MYO9A: variants seen among roughly 807,000 people sequenced by gnomAD.
MYO9A encodes the protein unconventional myosin-IXa.
In MYO9A, 103 loss-of-function variants were observed where a neutral mutation model predicts 293.3. The ratio of observed to expected loss-of-function variants is 0.35; its 90% CI spans 0.30 to 0.41. The LOEUF (loss-of-function observed/expected upper bound fraction) is 0.41, where lower values mean the gene tolerates loss of function less well. Among genes scored for constraint, MYO9A ranks in the 10% least tolerant of loss-of-function variants. MYO9A has a pLI of 1.00. For synonymous variants in MYO9A, 1,001 were observed against 1,035.7 expected (o/e 0.97, Z 0.64); for missense variants, 2,685 against 3,033.0 (o/e 0.89, Z 2.69).
chr15:71,952,039 GTGA>G, intron 14 of MYO9A, 143 bp from the exon 15 acceptor site: 1 of 820,506 alleles, frequency 1.2e-6, no homozygotes. Context: ...GAGGTTATAT[GTGA>G]ATGTCCAATT....
chr15:72,039,764 G>T (rs1331707714), intron 2 of MYO9A, among the ~76,000 whole-genome samples: 1 of 152,174 alleles, frequency 6.6e-6, no homozygotes, highest in Non-Finnish European at 1.5e-5. Flanking sequence ...GGCAAGTGGA[G>T]GTTGCAGTGA....
chr15:72,108,592 G>GA (rs1051976403), intron 1 of MYO9A, among the ~76,000 whole-genome samples: 5 of 152,014 alleles, frequency 3.3e-5, no homozygotes, highest in East Asian at 1.9e-4. Flanking sequence ...GTTCTCTTTT[G>GA]AAAAAAACAT....
intron 2 of MYO9A, among the ~76,000 whole-genome samples, chr15:72,035,581 C>T (rs980178064): frequency 1.5e-4 from 23 of 152,136 alleles, no homozygotes; most frequent in Admixed American, 1.3e-3. Flanking sequence ...GGGGACAGAA[C>T]TGCTTGAAGC....
chr15:72,043,741 G>A (rs1184157163), intron 2 of MYO9A, among the ~76,000 whole-genome samples: 1 of 152,070 alleles, frequency 6.6e-6, no homozygotes, highest in Non-Finnish European at 1.5e-5. Flanking sequence ...GAAACTCTGG[G>A]GATAATGGAT....
intron 26 of MYO9A, chr15:71,893,099 C>A (rs1360773321): frequency 7.8e-7 from 1 of 1,290,102 alleles, no homozygotes; most frequent in East Asian, 5.5e-5. Flanking sequence ...CCCTCCCCAT[C>A]GGCAAAAGTA....
At chr15:72,078,171 T>G (rs1182961233) in intron 1 of MYO9A, among the ~76,000 whole-genome samples, 1 of 152,170 alleles carries the variant, frequency 6.6e-6, no homozygotes, top group Admixed American at 6.6e-5. Context: ...CCATGCTCAC[T>G]GGTATTTACC....
intron 18 of MYO9A, among the ~76,000 whole-genome samples, chr15:71,917,547 A>G (rs2058044953): frequency 2.6e-5 from 4 of 152,174 alleles, no homozygotes. Context: ...ACAAAAAACA[A>G]AAAAACCAAA....
At chr15:71,999,757 G>T in intron 9 of MYO9A, 94 bp downstream of exon 9, 4 of 889,542 alleles carry the variant, frequency 4.5e-6, no homozygotes, top group Admixed American at 2.7e-5. Context: ...TTTTGCCATT[G>T]TCATTTTCAT....
At chr15:72,066,175 T>C (rs571047558) in intron 1 of MYO9A, among the ~76,000 whole-genome samples, 1 of 152,216 alleles carries the variant, frequency 6.6e-6, no homozygotes, top group East Asian at 1.9e-4. Context: ...ACTGGAGATT[T>C]TCAGGTTAAG....
At chr15:71,977,891 G>A (rs1291568844) in intron 12 of MYO9A, among the ~76,000 whole-genome samples, 2 of 152,078 alleles carry the variant, frequency 1.3e-5, no homozygotes, top group Non-Finnish European at 2.9e-5. Flanking sequence ...CAAAAAATTA[G>A]CCAGGCATGG....
chr15:72,078,473 C>A (rs544414857), intron 1 of MYO9A, among the ~76,000 whole-genome samples: 3 of 152,108 alleles, frequency 2.0e-5, no homozygotes, highest in African/African-American at 7.2e-5. Context: ...GCCTGTGGGA[C>A]CCTGTCTCAA....
At chr15:71,982,401 G>T (rs1175071611) in intron 11 of MYO9A, among the ~76,000 whole-genome samples, 3 of 151,506 alleles carry the variant, frequency 2.0e-5, no homozygotes, top group Non-Finnish European at 4.4e-5. Flanking sequence ...TTTTATTATG[G>T]TATTAAAATC....
rs892106053 is a variant in MYO9A at position 71,851,824 on chromosome 15, G to C, written c.6475+308C>G. ...AGATTTCCAATTTAAATGAACATAA[G>C]CCTAATCTTAAAACTTATTTTTAAT... On this transcript the variant is annotated intron_variant, in intron 36 of 41. Transcript: ENST00000356056. Among the ~76,000 whole-genome samples, 4 of 152,098 alleles carry C rather than the reference G, an allele frequency of 2.6e-5. No homozygotes were observed. The East Asian group carries it at 5.8e-4, about 22-fold the overall frequency.
At chr15:72,004,506 A>G (rs912744704) in intron 8 of MYO9A, among the ~76,000 whole-genome samples, 3 of 152,132 alleles carry the variant, frequency 2.0e-5, no homozygotes, top group Non-Finnish European at 4.4e-5. Context: ...GCAGTGAGCC[A>G]AGATTGCACC....
Position 71,966,375 on chromosome 15 carries a change from A to C in MYO9A, c.1986+1609T>G, listed in dbSNP as rs140834302. On this transcript the variant is annotated intron_variant, in intron 13 of 41. Coordinates refer to ENST00000356056, the MANE Select transcript of MYO9A (RefSeq NM_006901.4). ...AATGATAAAAATTAGGGCAGTGGTA[A>C]TCTCTGAGGGGAGCTGGCTGGGAAG... Among the ~76,000 whole-genome samples, 49 of 151,764 alleles carry C rather than the reference A, an allele frequency of 3.2e-4. No individual in the cohort carries two copies. In the East Asian group the frequency reaches 9.5e-3, roughly 29 times the overall value.
chr15:71,845,157 A>G (rs2055328176), intron 39 of MYO9A, among the ~76,000 whole-genome samples: 2 of 152,152 alleles, frequency 1.3e-5, no homozygotes, highest in South Asian at 4.1e-4. Flanking sequence ...CCTGATAAGG[A>G]GAGATCCTTT....
chr15:72,084,643 T>C (rs1343380669), intron 1 of MYO9A, among the ~76,000 whole-genome samples: 1 of 152,246 alleles, frequency 6.6e-6, no homozygotes, highest in Non-Finnish European at 1.5e-5. Context: ...CAGGAGCTCT[T>C]GTAAGACACG....
Position 72,101,870 on chromosome 15 carries a change from G to A in MYO9A, c.-72+15810C>T, listed in dbSNP as rs1368667632. Among the ~76,000 whole-genome samples, 19 of 151,730 alleles carry A rather than the reference G, an allele frequency of 1.3e-4. No homozygotes were observed. The East Asian group carries it at 3.1e-3, about 25-fold the overall frequency. ...CGCCCCGTCCGGGAGGGAGGTGGGG[G>A]GGTCAGCCCCCGACCGGCCAGCGGC... On this transcript the variant is annotated intron_variant, in intron 1 of 41. Coordinates refer to ENST00000356056, the MANE Select transcript of MYO9A (RefSeq NM_006901.4).
chr15:71,950,971 C>T (rs375447186), intron 15 of MYO9A, among the ~76,000 whole-genome samples: 3 of 152,120 alleles, frequency 2.0e-5, no homozygotes, highest in African/African-American at 7.2e-5. Context: ...AATCTTACAA[C>T]TGGCAAAAGA....
Sources: allele counts gnomAD v4.1 joint callset (sites outside exome capture counted in the v4.1 genomes callset), GRCh38; gene constraint gnomAD v4.1.1; transcripts MANE v1.5; gene names NCBI Gene and HGNC (gene_info 2026-07-23, HGNC 2026-07-21).